Variants in ADCY2 observed in about 807,000 individuals in gnomAD.
The protein encoded by ADCY2 is adenylate cyclase type 2.
In ADCY2, 31 loss-of-function variants were observed where a neutral mutation model predicts 125.2. The observed-to-expected ratio is 0.25, with a 90% CI of 0.19 to 0.33. The LOEUF is 0.33. Ranked by LOEUF, ADCY2 falls within the 10% of genes least tolerant of loss-of-function variation. ADCY2 has a pLI of 1.00. For missense variants in ADCY2, 904 were observed against 1,418.2 expected, an observed-to-expected ratio of 0.64 and a Z score of 5.82; for synonymous variants, 512 against 548.4, an observed-to-expected ratio of 0.93 and a Z score of 0.93.
chr5:7,736,645 C>G (rs1033852297), intron 14 of ADCY2, among the ~76,000 whole-genome samples: 4 of 152,046 alleles, frequency 2.6e-5, no homozygotes, highest in Non-Finnish European at 4.4e-5. Context: ...TTTTAATACC[C>G]TTATTGTTTT....
At chr5:7,693,603 A>T (rs1166668900) in intron 5 of ADCY2, among the ~76,000 whole-genome samples, 2 of 151,786 alleles carry the variant, frequency 1.3e-5, no homozygotes, top group East Asian at 3.9e-4. Context: ...TGTAATTTTT[A>T]GTAGAGATGG....
chr5:7,521,491 C>T (rs1374040748), intron 3 of ADCY2, among the ~76,000 whole-genome samples: 1 of 152,146 alleles, frequency 6.6e-6, no homozygotes, highest in Admixed American at 6.5e-5. Context: ...ATTATGTACA[C>T]CTATAAACAT....
intron 2 of ADCY2, among the ~76,000 whole-genome samples, chr5:7,485,252 A>G (rs1172502972): frequency 1.3e-5 from 2 of 152,354 alleles, no homozygotes; most frequent in African/African-American, 4.8e-5. Flanking sequence ...CATATAAAGA[A>G]TTTTAATAAA....
chr5:7,654,886 C>T (rs1739266807), intron 4 of ADCY2, among the ~76,000 whole-genome samples: 2 of 152,110 alleles, frequency 1.3e-5, no homozygotes, highest in South Asian at 4.1e-4. Flanking sequence ...CCTGGAAATC[C>T]CTGTTTAGGG....
At chr5:7,743,787 A>G (rs1232753532) in intron 15 of ADCY2, 35 bp downstream of exon 15, 1 of 1,594,590 alleles carries the variant, frequency 6.3e-7, no homozygotes, top group Non-Finnish European at 8.6e-7. Flanking sequence ...TTTGAAAAGT[A>G]TGCTCATTTC....
intron 14 of ADCY2, 118 bp downstream of exon 14, chr5:7,727,379 A>C (rs1235035249): frequency 4.9e-6 from 4 of 815,784 alleles, no homozygotes; most frequent in Non-Finnish European, 7.9e-6. Context: ...ATTTAATGTC[A>C]TGGTAAAGGG....
chr5:7,698,366 A>C lies in ADCY2; in HGVS notation c.1101A>C (p.Glu367Asp), dbSNP rs751197755. ...NCVKMGLDMC[E>D]AIKKVRDATG... ...TGAAAATGGGGCTGGACATGTGTGAAGCCATAAAGTAAGTGGACTGCTTAG... is the reference window on the plus strand; with the variant it reads ...TGAAAATGGGGCTGGACATGTGTGACGCCATAAAGTAAGTGGACTGCTTAG... The change falls in exon 7 of 25, where the codon GAA becomes GAC. Residue 367 changes from glutamate to aspartate, a missense_variant. By Grantham distance (45) the Glu-to-Asp change is conservative. This residue lies in a region of ADCY2 where 117 missense variants were observed against 248.0 expected (regional missense o/e 0.47). Transcript: ENST00000338316. The C allele has an allele frequency of 1.2e-6, 2 of 1,614,184 alleles. No homozygotes were observed. The highest frequency in any genetic ancestry group is 3.3e-5 in the Admixed American group (2 of 60,024).
rs192458205 is a variant in ADCY2 at position 7,455,524 on chromosome 5, A to G, written c.408+40754A>G. ...ATCACAAACTTACATAATTTGTTTT[A>G]AAATATCACTTATTATATATTATAA... On this transcript the variant is annotated intron_variant, in intron 2 of 24. Coordinates refer to ENST00000338316, the MANE Select transcript of ADCY2 (RefSeq NM_020546.3). Among the ~76,000 whole-genome samples, 873 of 151,756 alleles carry G rather than the reference A, an allele frequency of 5.8e-3. 5 individuals carry two copies. Among genetic ancestry groups the G allele is most frequent in the Non-Finnish European group, 8.9e-3 (606 of 67,872 alleles).
chr5:7,714,831 A>G (rs1741547922), intron 11 of ADCY2, among the ~76,000 whole-genome samples: 1 of 152,336 alleles, frequency 6.6e-6, no homozygotes, highest in South Asian at 2.1e-4. Context: ...TACCTGTCTG[A>G]GCCTCCAGCC....
chr5:7,772,984 G>A lies in ADCY2; in HGVS notation c.2267G>A (p.Arg756Gln). The change falls in exon 18 of 25, where the codon CGG becomes CAG. Residue 756 changes from arginine (R) to glutamine (Q), a missense_variant. Physicochemically the swap from Arg to Gln is conservative, Grantham distance 43. This residue lies in a region of ADCY2 where 221 missense variants were observed against 246.2 expected (regional missense o/e 0.90). Coordinates refer to ENST00000338316, the MANE Select transcript of ADCY2 (RefSeq NM_020546.3). ...CTGATATCCTGTTCCGTGTTCCTGC[G>A]GGTAAACTATGAGCTGAAGATGTTG... is the stretch of plus-strand genomic sequence containing the variant. The part of the protein sequence containing the change: ...LGLISCSVFL[R>Q]VNYELKMLIM... The A allele has an allele frequency of 6.2e-7, 1 of 1,614,114 alleles. No homozygotes were observed. The highest frequency in any genetic ancestry group is 8.5e-7 in the Non-Finnish European group (1 of 1,180,020).
At chr5:7,584,383 G>A (rs1338640923) in intron 3 of ADCY2, among the ~76,000 whole-genome samples, 1 of 151,974 alleles carries the variant, frequency 6.6e-6, no homozygotes, top group Non-Finnish European at 1.5e-5. Context: ...ACACTTCATA[G>A]GTCACTTTGC....
At position 7,707,707 on chromosome 5, in the gene ADCY2, C is replaced by A; in HGVS notation, c.1270C>A (p.Arg424Ser). The change falls in exon 9 of 25, where the codon CGT (arginine) becomes AGT (serine). Residue 424 changes from arginine (R) to serine (S), a missense_variant and splice_region_variant. Physicochemically the swap from Arg to Ser is moderately radical, Grantham distance 110. This residue lies in a region of ADCY2 where 144 missense variants were observed against 227.7 expected (regional missense o/e 0.63). Transcript: ENST00000338316. Reference protein sequence around the residue: ...NHMEAGGVPGRVHISSVTLEH... With the variant: ...NHMEAGGVPGSVHISSVTLEH... ...TGTGATTTTAAAATGCAATTTCAGA[C>A]GTGTTCACATTTCTTCTGTCACCCT... is the stretch of plus-strand genomic sequence containing the variant. 1 of 1,613,650 alleles carries A rather than the reference C, an allele frequency of 6.2e-7. No homozygotes were observed.
chr5:7,601,808 C>T (rs1737214851), intron 3 of ADCY2, among the ~76,000 whole-genome samples: 1 of 152,200 alleles, frequency 6.6e-6, no homozygotes, highest in African/African-American at 2.4e-5. Flanking sequence ...GTGATGCATG[C>T]TGTGTGCATC....
At chr5:7,774,402 T>C (rs111850814) in intron 18 of ADCY2, among the ~76,000 whole-genome samples, 2 of 152,372 alleles carry the variant, frequency 1.3e-5, no homozygotes, top group African/African-American at 4.8e-5. Context: ...TGCTCTACTA[T>C]ATCCAGAAAG....
intron 5 of ADCY2, chr5:7,691,419 A>T (rs1045377656): frequency 1.3e-5 from 2 of 152,230 alleles, no homozygotes; most frequent in Non-Finnish European, 2.9e-5. Flanking sequence ...TCTACTTCCC[A>T]GGAGTCGTTC....
chr5:7,788,368 C>T (rs1320209953), intron 19 of ADCY2, among the ~76,000 whole-genome samples: 7 of 152,052 alleles, frequency 4.6e-5, no homozygotes, highest in Admixed American at 2.6e-4. Flanking sequence ...TTAGTAGAGA[C>T]GGGATTTTGC....
chr5:7,711,427 G>C (rs1741437388), intron 10 of ADCY2, among the ~76,000 whole-genome samples: 1 of 152,164 alleles, frequency 6.6e-6, no homozygotes, highest in Non-Finnish European at 1.5e-5. Flanking sequence ...ATCAGCAATT[G>C]GTTGGTTGGT....
At chr5:7,532,504 C>T (rs1734681963) in intron 3 of ADCY2, among the ~76,000 whole-genome samples, 1 of 152,204 alleles carries the variant, frequency 6.6e-6, no homozygotes, top group Non-Finnish European at 1.5e-5. Flanking sequence ...ATTATCAAGG[C>T]AGTCATAGTA....
intron 2 of ADCY2, among the ~76,000 whole-genome samples, chr5:7,455,154 G>A (rs1457644823): frequency 6.6e-6 from 1 of 152,088 alleles, no homozygotes; most frequent in Non-Finnish European, 1.5e-5. Flanking sequence ...GGTTCTCTTT[G>A]TGTGTTGTAT....
Sources: gnomAD v4.1 joint callset for allele counts (sites outside exome capture counted in the v4.1 genomes callset) on GRCh38, gnomAD v4.1.1 for gene constraint, gnomAD v4.1.1 regional missense constraint, MANE v1.5 for transcripts, NCBI Gene and HGNC (gene_info 2026-07-23, HGNC 2026-07-21) for gene names.